Variants in ELAVL4 observed in about 807,000 individuals in gnomAD.
ELAVL4 encodes the protein ELAV-like protein 4.
ELAVL4 carries 1 observed loss-of-function variant against 35.6 expected under a neutral mutation model. The observed-to-expected ratio is 0.03, with a 90% CI of 0.01 to 0.13. ELAVL4 has a LOEUF of 0.13. Among genes scored for constraint, ELAVL4 ranks in the 10% least tolerant of loss-of-function variants. ELAVL4 has a pLI of 1.00. For missense variants in ELAVL4, 267 were observed against 464.9 expected, an observed-to-expected ratio of 0.57 and a Z score of 3.91; for synonymous variants, 156 against 171.0, an observed-to-expected ratio of 0.91 and a Z score of 0.69.
At chr1:50,140,680 C>T (rs1672671937) in intron 1 of ELAVL4, among the ~76,000 whole-genome samples, 1 of 152,084 alleles carries the variant, frequency 6.6e-6, no homozygotes, top group Admixed American at 6.6e-5. Context: ...TATATTAACA[C>T]ATTTGCAAAT....
chr1:50,182,310 T>G (rs1226126272), intron 3 of ELAVL4, among the ~76,000 whole-genome samples: 1 of 152,240 alleles, frequency 6.6e-6, no homozygotes, highest in Non-Finnish European at 1.5e-5. Flanking sequence ...CAGTAAAAAG[T>G]GATCCAAAAT....
intron 1 of ELAVL4, among the ~76,000 whole-genome samples, chr1:50,091,220 C>T (rs767086367): frequency 2.4e-4 from 37 of 152,164 alleles, no homozygotes; most frequent in African/African-American, 4.3e-4. Flanking sequence ...ATTTTTAGCA[C>T]GCACGCTCAC....
At chr1:50,082,936 C>T (rs994237309) in intron 1 of ELAVL4, among the ~76,000 whole-genome samples, 2 of 152,166 alleles carry the variant, frequency 1.3e-5, no homozygotes, top group Non-Finnish European at 2.9e-5. Flanking sequence ...ACCCAGTGAA[C>T]CAATGTGAAC....
upstream of ELAVL4, among the ~76,000 whole-genome samples, chr1:50,099,170 G>C (rs921403891): frequency 5.3e-5 from 8 of 152,128 alleles, no homozygotes; most frequent in African/African-American, 1.9e-4. Flanking sequence ...TTTCTTGAGT[G>C]CCCACCATAT....
intron 6 of ELAVL4, among the ~76,000 whole-genome samples, chr1:50,198,534 A>G (rs1644202205): frequency 6.6e-6 from 1 of 152,170 alleles, no homozygotes; most frequent in South Asian, 2.1e-4. Context: ...CTATCAGAGG[A>G]CCGGCCTTTC....
At chr1:50,164,417 A>G (rs915160971) in intron 2 of ELAVL4, among the ~76,000 whole-genome samples, 1 of 152,018 alleles carries the variant, frequency 6.6e-6, no homozygotes, top group Non-Finnish European at 1.5e-5. Context: ...CTGTTCCCTA[A>G]TTTTCTTCCA....
At chr1:50,073,238 G>A (rs1035324612) in intron 1 of ELAVL4, among the ~76,000 whole-genome samples, 1 of 152,100 alleles carries the variant, frequency 6.6e-6, no homozygotes, top group African/African-American at 2.4e-5. Context: ...GGTGGAGTTA[G>A]GATATAAGCT....
Position 50,137,870 on chromosome 1 carries a change from C to T in ELAVL4, c.10-7087C>T, listed in dbSNP as rs551290634. ...ATTGGTTTTTATCTTTCTCCTTGTTCTCTTCTAATAATATTAGCATCAGTC... is the reference window on the plus strand; with the variant it reads ...ATTGGTTTTTATCTTTCTCCTTGTTTTCTTCTAATAATATTAGCATCAGTC... On this transcript the variant is annotated intron_variant, in intron 1 of 6. Coordinates refer to ENST00000371824, the MANE Select transcript of ELAVL4 (RefSeq NM_001144774.3). 6.6e-5 allele frequency among the ~76,000 whole-genome samples: 10 copies of T among 152,240 alleles called. No homozygotes were observed. In the South Asian group the frequency reaches 2.1e-3, roughly 32 times the overall value.
chr1:50,083,622 A>G (rs925696245), intron 1 of ELAVL4, among the ~76,000 whole-genome samples: 5 of 152,194 alleles, frequency 3.3e-5, no homozygotes, highest in Non-Finnish European at 7.3e-5. Context: ...TTGTCATTAA[A>G]CATAAAATTT....
chr1:50,203,270 A>C lies in ELAVL4; in HGVS notation c.*2092A>C, dbSNP rs913003867. 5 of 152,154 alleles carry C rather than the reference A, an allele frequency of 3.3e-5. No individual in the cohort carries two copies. The highest frequency in any genetic ancestry group is 5.9e-5 in the Non-Finnish European group (4 of 68,028). The allele number at this position is 152,154 out of a possible 1,614,324, so 9.4% of individuals were successfully genotyped here. ...AACCCACTAAGTGCATGTAGACAGG[A>C]CTGTTGTTTTCACACTGAAAAGGCA... is the stretch of plus-strand genomic sequence containing the variant. On this transcript the variant is annotated 3_prime_UTR_variant, in exon 7 of 7. Coordinates refer to ENST00000371824, the MANE Select transcript of ELAVL4 (RefSeq NM_001144774.3).
intron 1 of ELAVL4, among the ~76,000 whole-genome samples, chr1:50,059,686 T>C (rs1663859777): frequency 6.6e-6 from 1 of 152,162 alleles, no homozygotes; most frequent in Admixed American, 6.5e-5. Flanking sequence ...TATTCATAAA[T>C]GGCCAAAAGG....
chr1:50,071,744 G>T (rs1664534031), intron 1 of ELAVL4, among the ~76,000 whole-genome samples: 1 of 152,108 alleles, frequency 6.6e-6, no homozygotes, highest in South Asian at 2.1e-4. Flanking sequence ...TACTTATAGG[G>T]TGACTTTGAT....
At chr1:50,114,889 C>T (rs1667687973) in intron 1 of ELAVL4, 1 of 152,116 alleles carries the variant, frequency 6.6e-6, no homozygotes, top group Non-Finnish European at 1.5e-5. Context: ...AAAAATAAGA[C>T]AGCAATCAGC....
chr1:50,080,416 TCACACACACACACA>T (rs71751816), intron 1 of ELAVL4, among the ~76,000 whole-genome samples: 10 of 149,404 alleles, frequency 6.7e-5, no homozygotes, highest in African/African-American at 2.0e-4. Flanking sequence ...GTTGTTGATT[TCACACACACACACA>T]CACACACACT....
At chr1:50,153,289 G>A (rs1325848470) in intron 2 of ELAVL4, among the ~76,000 whole-genome samples, 3 of 152,212 alleles carry the variant, frequency 2.0e-5, no homozygotes, top group Non-Finnish European at 4.4e-5. Context: ...TGAAGTTGGA[G>A]GTTTGATGGA....
At chr1:50,163,212 T>C (rs1228242902) in intron 2 of ELAVL4, among the ~76,000 whole-genome samples, 1 of 152,182 alleles carries the variant, frequency 6.6e-6, no homozygotes, top group Non-Finnish European at 1.5e-5. Context: ...TAGTCTCAAT[T>C]CAGATATCAC....
chr1:50,071,455 A>G lies in ELAVL4; in HGVS notation c.18+23273A>G, dbSNP rs567863364. 7.9e-5 allele frequency among the ~76,000 whole-genome samples: 12 copies of G among 152,312 alleles called. No homozygotes were observed. The South Asian group carries it at 2.3e-3, about 29-fold the overall frequency. On this transcript the variant is annotated intron_variant, in intron 1 of 6. Transcript: ENST00000448907. ...TCTTTTATTTTTGCAAATGTAGCCAATAAAACTTAATTTGACAATTTGACT... is the reference window on the plus strand; with the variant it reads ...TCTTTTATTTTTGCAAATGTAGCCAGTAAAACTTAATTTGACAATTTGACT...
chr1:50,202,009 C>T lies in ELAVL4; in HGVS notation c.*831C>T, dbSNP rs528185675. Reference sequence around the variant, plus strand: ...TTAGGGGAAATTGACAACTTTGTCGCGTTCATACTGCACTGGTAACTTTTT... The same window carrying T: ...TTAGGGGAAATTGACAACTTTGTCGTGTTCATACTGCACTGGTAACTTTTT... On this transcript the variant is annotated 3_prime_UTR_variant, in exon 7 of 7. Coordinates refer to ENST00000371824, the MANE Select transcript of ELAVL4 (RefSeq NM_001144774.3). The T allele has an allele frequency of 2.0e-5, 3 of 152,210 alleles. No homozygotes were observed. The highest frequency in any genetic ancestry group is 7.2e-5 in the African/African-American group (3 of 41,536). The allele number at this position is 152,210 out of a possible 1,614,324, so 9.4% of individuals were successfully genotyped here.
intron 1 of ELAVL4, among the ~76,000 whole-genome samples, chr1:50,068,748 T>G (rs896306155): frequency 2.6e-5 from 4 of 152,222 alleles, no homozygotes; most frequent in African/African-American, 4.8e-5. Context: ...AATATACGGA[T>G]AAGTTAAGAT....
Sources: allele counts gnomAD v4.1 joint callset (sites outside exome capture counted in the v4.1 genomes callset), GRCh38; gene constraint gnomAD v4.1.1; transcripts MANE v1.5; gene names NCBI Gene and HGNC (gene_info 2026-07-23, HGNC 2026-07-21).